Variants in EHMT1 observed in about 807,000 individuals in gnomAD.
The protein encoded by EHMT1 is histone-lysine N-methyltransferase EHMT1.
EHMT1 carries 15 observed loss-of-function variants against 147.2 expected under a neutral mutation model. The ratio of observed to expected loss-of-function variants is 0.10; its 90% confidence interval spans 0.07 to 0.16. The LOEUF (loss-of-function observed/expected upper bound fraction) is 0.16, where lower values mean the gene tolerates loss of function less well. Among genes scored for constraint, EHMT1 ranks in the 10% least tolerant of loss-of-function variants. The probability of loss-of-function intolerance (pLI) is 1.00; values close to 1 mark genes in which losing one functional copy is unlikely to be tolerated. For missense variants in EHMT1, 1,587 were observed against 1,772.4 expected (o/e 0.90, Z 1.88); for synonymous variants, 795 against 709.6 (o/e 1.12, Z -1.91).
At position 137,795,556 on chromosome 9, in the gene EHMT1, G is replaced by A. The variant is rs571543851; in HGVS notation, c.2506-3257G>A. ...TGTGAGTGAAATTGAGGTACCTGGAGAAAACGCACACAGACACGGGAGGAC... is the reference window on the plus strand; with the variant it reads ...TGTGAGTGAAATTGAGGTACCTGGAAAAAACGCACACAGACACGGGAGGAC... On this transcript the variant is annotated intron_variant, in intron 16 of 26. Coordinates refer to ENST00000460843, the MANE Select transcript of EHMT1 (RefSeq NM_024757.5). Among the ~76,000 whole-genome samples the A allele has an allele frequency of 9.9e-4, 151 of 152,322 alleles. 1 individual carries two copies. Among genetic ancestry groups the A allele is most frequent in the African/African-American group, 3.5e-3 (147 of 41,576 alleles).
At chr9:137,695,680 C>T (rs778580370) in intron 1 of EHMT1, among the ~76,000 whole-genome samples, 5 of 152,198 alleles carry the variant, frequency 3.3e-5, no homozygotes, top group Non-Finnish European at 5.9e-5. Flanking sequence ...TGTGGCCTCC[C>T]GGGTGGCGTG....
intron 8 of EHMT1, among the ~76,000 whole-genome samples, chr9:137,756,461 G>A (rs1217006208): frequency 6.6e-6 from 1 of 152,222 alleles, no homozygotes; most frequent in Non-Finnish European, 1.5e-5. Flanking sequence ...TTAACTGGAT[G>A]TTGGGGAGGC....
rs1268656306 is a variant in EHMT1 at position 137,731,073 on chromosome 9, T to C, written c.823+2544T>C. On this transcript the variant is annotated intron_variant, in intron 4 of 26. Transcript: ENST00000460843. The surrounding 1 kb of genome is among the most constrained non-coding windows in gnomAD (Gnocchi z 4.3). ...CTATTTTAGCTTTATTATATCGCCA[T>C]CTTTTAAAAAGAGCTTTCTAAAAAC... Among the ~76,000 whole-genome samples the C allele has an allele frequency of 6.6e-6, 1 of 152,244 alleles. No individual in the cohort carries two copies. Among genetic ancestry groups the C allele is most frequent in the Admixed American group, 6.5e-5 (1 of 15,280 alleles).
At chr9:137,716,521 G>T (rs1945304476) in intron 2 of EHMT1, 105 bp from the exon 3 acceptor site, 2 of 891,282 alleles carry the variant, frequency 2.2e-6, no homozygotes, top group South Asian at 3.5e-5. Flanking sequence ...GTCATGGTGG[G>T]GGAGGAAGTT....
chr9:137,785,470 C>CCCTGAGGGTGGGGTGTGCTGAG (rs1301088401), intron 15 of EHMT1: 1 of 153,240 alleles, frequency 6.5e-6, no homozygotes, highest in African/African-American at 2.4e-5. Context: ...CGTGCTGAGC[C>CCCTGAGGGTGGGGTGTGCTGAG]CATTCTCCAT....
intron 1 of EHMT1, among the ~76,000 whole-genome samples, chr9:137,654,750 G>C (rs917203520): frequency 3.9e-5 from 6 of 152,222 alleles, no homozygotes; most frequent in Admixed American, 2.6e-4. Context: ...CCATGCCCCA[G>C]AACATGGCAT....
chr9:137,714,703 C>T (rs1279032330), intron 2 of EHMT1, among the ~76,000 whole-genome samples: 1 of 151,852 alleles, frequency 6.6e-6, no homozygotes, highest in Non-Finnish European at 1.5e-5. Context: ...CAAGTGTGCA[C>T]CTCCATGCCC....
intron 6 of EHMT1, among the ~76,000 whole-genome samples, chr9:137,744,553 C>T (rs1948391014): frequency 1.3e-5 from 2 of 152,202 alleles, no homozygotes; most frequent in South Asian, 2.1e-4. Context: ...CTCCTTTGCT[C>T]AAGTGATCCT....
intron 1 of EHMT1, among the ~76,000 whole-genome samples, chr9:137,653,320 C>T: frequency 6.6e-6 from 1 of 152,124 alleles, no homozygotes; most frequent in East Asian, 1.9e-4. Flanking sequence ...AGGTTTGTAG[C>T]CCAGGAGCAA....
intron 1 of EHMT1, among the ~76,000 whole-genome samples, chr9:137,660,071 T>C (rs1351445717): frequency 1.3e-5 from 2 of 151,970 alleles, no homozygotes; most frequent in East Asian, 1.9e-4. Flanking sequence ...GTGTGGTGGC[T>C]CACACCTGTA....
At chr9:137,661,547 G>A (rs977579243) in intron 1 of EHMT1, among the ~76,000 whole-genome samples, 3 of 149,308 alleles carry the variant, frequency 2.0e-5, no homozygotes, top group African/African-American at 5.0e-5. Context: ...GTGCAGTGGC[G>A]CAATCTCGGC....
intron 4 of EHMT1, among the ~76,000 whole-genome samples, chr9:137,739,765 T>C (rs574579732): frequency 6.6e-6 from 1 of 152,360 alleles, no homozygotes; most frequent in East Asian, 1.9e-4. Context: ...CCCTGCCTTT[T>C]GCTTTGTGAG....
chr9:137,811,547 C>A lies in EHMT1; in HGVS notation c.2799C>A (p.His933Gln), dbSNP rs573774002. The A allele has an allele frequency of 6.2e-7, 1 of 1,609,584 alleles. No homozygotes were observed. The highest frequency in any genetic ancestry group is 8.5e-7 in the Non-Finnish European group (1 of 1,179,992). Reference sequence around the variant, plus strand: ...TGCTGGCTGCCAAGTGCGACCTCCACGCCGTGAACATCCACGGAGACTCGC... The same window carrying A: ...TGCTGGCTGCCAAGTGCGACCTCCAAGCCGTGAACATCCACGGAGACTCGC... ...EILLAAKCDL[H>Q]AVNIHGDSPL... Residue 933 changes from histidine (H) to glutamine (Q), a missense_variant, in exon 19 of 27, where the codon CAC (histidine) becomes CAA (glutamine). By Grantham distance (24) the His-to-Gln change is conservative (BLOSUM62 0). Around this residue, in one of 7 missense-constraint regions of EHMT1, gnomAD observed 201 missense variants for 350.1 expected, o/e 0.57. Coordinates refer to ENST00000460843, the MANE Select transcript of EHMT1 (RefSeq NM_024757.5).
In EHMT1 at chr9:137,743,516, T is replaced by C. The variant is rs776328408; in HGVS notation, c.969T>C (p.Thr323=). 1.9e-6 allele frequency: 3 copies of C among 1,614,034 alleles called. No homozygotes were observed. Among genetic ancestry groups the C allele is most frequent in the South Asian group, 1.1e-5 (1 of 91,078 alleles). Reference sequence around the variant, plus strand: ...TGTTTAAGAGCATAACTCATTCCACTGTGGGTTCCAAGGTAAGAGACGCAT... The same window carrying C: ...TGTTTAAGAGCATAACTCATTCCACCGTGGGTTCCAAGGTAAGAGACGCAT... ...IEMFKSITHS[T]VGSKGEKDLG... is the part of the protein sequence containing the mutation. The change falls in exon 5 of 27, where the codon ACT becomes ACC. Residue 323 remains threonine (T), a synonymous_variant. Transcript: ENST00000460843.
chr9:137,810,087 G>A (rs55756022), intron 18 of EHMT1, among the ~76,000 whole-genome samples: 4 of 102,254 alleles, frequency 3.9e-5, no homozygotes, highest in East Asian at 5.2e-4. Context: ...GAGGCGGTTC[G>A]GATGCCGCCC....
At chr9:137,804,345 G>A (rs1253110831) in intron 18 of EHMT1, among the ~76,000 whole-genome samples, 1 of 152,146 alleles carries the variant, frequency 6.6e-6, no homozygotes, top group Non-Finnish European at 1.5e-5. Flanking sequence ...TGTGGTTTTA[G>A]TTTTCAGTTC....
intron 4 of EHMT1, among the ~76,000 whole-genome samples, chr9:137,733,170 T>A (rs913283490): frequency 8.5e-5 from 13 of 152,180 alleles, no homozygotes; most frequent in Non-Finnish European, 7.3e-5. Context: ...TGCAAGAAGG[T>A]TGAGAACATG....
intron 1 of EHMT1, among the ~76,000 whole-genome samples, chr9:137,621,909 T>TAA (rs745823672): frequency 6.8e-6 from 1 of 147,388 alleles, no homozygotes; most frequent in Admixed American, 6.7e-5. Flanking sequence ...CTAAAACCCT[T>TAA]AAAAAAAAAA....
At chr9:137,659,856 G>T (rs931520781) in intron 1 of EHMT1, among the ~76,000 whole-genome samples, 30 of 152,248 alleles carry the variant, frequency 2.0e-4, no homozygotes, top group Middle Eastern at 3.4e-3. Flanking sequence ...GATTACAGAT[G>T]TGAGGCACTG....
Sources: allele counts gnomAD v4.1 joint callset (sites outside exome capture counted in the v4.1 genomes callset), GRCh38; gene constraint gnomAD v4.1.1; regional missense constraint gnomAD v4.1.1; non-coding constraint Gnocchi (gnomAD v3.1); transcripts MANE v1.5; gene names NCBI Gene and HGNC (gene_info 2026-07-23, HGNC 2026-07-21).